Variants in ADAMTSL3 observed in about 807,000 individuals in gnomAD.
The protein encoded by ADAMTSL3 is ADAMTS like 3, also known as ADAMTS-like protein 3.
Under a neutral mutation model 201.7 loss-of-function variants are expected in ADAMTSL3, and 128 were observed. The ratio of observed to expected loss-of-function variants is 0.63; its 90% CI spans 0.55 to 0.73. The LOEUF (loss-of-function observed/expected upper bound fraction) is 0.73, where lower values mean the gene tolerates loss of function less well. Among genes scored for constraint, ADAMTSL3 ranks in the 30% least tolerant of loss-of-function variants. The probability of loss-of-function intolerance (pLI) is 0.00; values close to 1 mark genes in which losing one functional copy is unlikely to be tolerated. For missense variants in ADAMTSL3, 1,990 were observed against 2,119.6 expected, an observed-to-expected ratio of 0.94 and a Z score of 1.20; for synonymous variants, 738 against 748.4, an observed-to-expected ratio of 0.99 and a Z score of 0.23.
chr15:83,845,813 T>C (rs1011321772), intron 7 of ADAMTSL3, among the ~76,000 whole-genome samples: 1 of 152,206 alleles, frequency 6.6e-6, no homozygotes, highest in African/African-American at 2.4e-5. Flanking sequence ...AGGTTTCCTC[T>C]TATCTCCCAT....
intron 9 of ADAMTSL3, among the ~76,000 whole-genome samples, chr15:83,876,778 C>A (rs753228588): frequency 3.3e-5 from 5 of 152,060 alleles, no homozygotes; most frequent in Admixed American, 6.6e-5. Flanking sequence ...ACTACATGTG[C>A]ACACCACCAT....
At chr15:83,865,146 C>T (rs1355047031) in intron 8 of ADAMTSL3, among the ~76,000 whole-genome samples, 1 of 152,144 alleles carries the variant, frequency 6.6e-6, no homozygotes, top group Non-Finnish European at 1.5e-5. Flanking sequence ...ATTCCATGCT[C>T]GTGGGTAGGA....
chr15:83,927,761 T>C (rs1189306093), intron 17 of ADAMTSL3, among the ~76,000 whole-genome samples: 1 of 152,148 alleles, frequency 6.6e-6, no homozygotes, highest in Non-Finnish European at 1.5e-5. Flanking sequence ...TGTCATCTAG[T>C]CCAAATTCTG....
chr15:83,998,457 G>C (rs536855830), intron 23 of ADAMTSL3, among the ~76,000 whole-genome samples: 1 of 151,950 alleles, frequency 6.6e-6, no homozygotes, highest in African/African-American at 2.4e-5. Context: ...TCGAAAAAAG[G>C]AAAAAAAGAA....
At position 83,919,310 on chromosome 15, in the gene ADAMTSL3, G is replaced by C. The variant is rs539731528; in HGVS notation, c.1988-4594G>C. On this transcript the variant is annotated intron_variant, in intron 16 of 29. Transcript: ENST00000286744. ...AAGTCTTGAGGAAATTCAACATTCAGTGTCTGGGTGGAGGACACTAAGCCG... is the reference window on the plus strand; with the variant it reads ...AAGTCTTGAGGAAATTCAACATTCACTGTCTGGGTGGAGGACACTAAGCCG... 2.0e-5 allele frequency among the ~76,000 whole-genome samples: 3 copies of C among 152,258 alleles called. No individual in the cohort carries two copies. In the South Asian group the frequency reaches 6.2e-4, roughly 32 times the overall value.
intron 3 of ADAMTSL3, among the ~76,000 whole-genome samples, chr15:83,754,625 G>A (rs1400882076): frequency 6.6e-6 from 1 of 152,134 alleles, no homozygotes; most frequent in Non-Finnish European, 1.5e-5. Context: ...AGCATTCTAA[G>A]CATTTTCATA....
intron 15 of ADAMTSL3, among the ~76,000 whole-genome samples, chr15:83,911,769 C>A (rs1046672327): frequency 1.3e-5 from 2 of 152,174 alleles, no homozygotes; most frequent in Non-Finnish European, 2.9e-5. Context: ...GGTTGGATGA[C>A]TCTGTGAGAA....
intron 21 of ADAMTSL3, among the ~76,000 whole-genome samples, chr15:83,985,378 T>TA (rs2067455675): frequency 6.6e-6 from 1 of 152,054 alleles, no homozygotes; most frequent in Non-Finnish European, 1.5e-5. Flanking sequence ...CCAGCTCATT[T>TA]AAAAAATATA....
intron 7 of ADAMTSL3, among the ~76,000 whole-genome samples, chr15:83,841,661 G>A (rs560629054): frequency 2.0e-5 from 3 of 149,726 alleles, no homozygotes; most frequent in East Asian, 2.0e-4. Flanking sequence ...GATACGGGAG[G>A]GGGGGCAGGA....
chr15:83,854,041 T>C (rs925296038), intron 7 of ADAMTSL3, among the ~76,000 whole-genome samples: 1 of 152,140 alleles, frequency 6.6e-6, no homozygotes, highest in African/African-American at 2.4e-5. Flanking sequence ...TACTTTAGCA[T>C]GACTCTTCTA....
chr15:83,836,751 G>A (rs1472539802), intron 6 of ADAMTSL3, among the ~76,000 whole-genome samples: 1 of 152,074 alleles, frequency 6.6e-6, no homozygotes, highest in Non-Finnish European at 1.5e-5. Context: ...GTATATATTG[G>A]TATTATTATC....
chr15:83,769,031 C>T (rs2062935510), intron 3 of ADAMTSL3, among the ~76,000 whole-genome samples: 1 of 152,074 alleles, frequency 6.6e-6, no homozygotes, highest in Non-Finnish European at 1.5e-5. Context: ...CTTACCTATC[C>T]AATCAGAGAA....
chr15:83,984,372 T>C (rs962471275), intron 21 of ADAMTSL3, among the ~76,000 whole-genome samples: 1 of 152,212 alleles, frequency 6.6e-6, no homozygotes, highest in Non-Finnish European at 1.5e-5. Context: ...TTAGGTAAAA[T>C]TCAGTTTTTT....
At chr15:83,833,592 A>G (rs1238229444) in intron 6 of ADAMTSL3, among the ~76,000 whole-genome samples, 1 of 152,240 alleles carries the variant, frequency 6.6e-6, no homozygotes, top group African/African-American at 2.4e-5. Context: ...ACCTAATTCC[A>G]GAATCCAATT....
intron 4 of ADAMTSL3, among the ~76,000 whole-genome samples, chr15:83,776,294 C>T (rs1012998668): frequency 2.0e-5 from 3 of 152,208 alleles, no homozygotes; most frequent in African/African-American, 4.8e-5. Flanking sequence ...GGCTCCAGAA[C>T]CTTTTAATTC....
intron 28 of ADAMTSL3, among the ~76,000 whole-genome samples, chr15:84,032,238 G>A (rs1345114732): frequency 5.3e-5 from 8 of 152,214 alleles, no homozygotes; most frequent in African/African-American, 1.7e-4. Flanking sequence ...GGCAGCCTGG[G>A]TCATGGAAGA....
chr15:83,833,472 A>G (rs577247932), intron 6 of ADAMTSL3, among the ~76,000 whole-genome samples: 14 of 152,218 alleles, frequency 9.2e-5, no homozygotes, highest in African/African-American at 3.4e-4. Context: ...TTCACCTCCT[A>G]GTACCATCAA....
Position 83,825,280 on chromosome 15 carries a change from T to C in ADAMTSL3, c.600+5233T>C, listed in dbSNP as rs141266469. On this transcript the variant is annotated intron_variant, in intron 6 of 29. Transcript: ENST00000286744. Reference sequence around the variant, plus strand: ...TTGTTTTCCAAGTTCTTGACAATGATCATGCATTGTTTTTATAATTAAAAT... The same window carrying C: ...TTGTTTTCCAAGTTCTTGACAATGACCATGCATTGTTTTTATAATTAAAAT... Among the ~76,000 whole-genome samples the C allele has an allele frequency of 9.8e-5, 15 of 152,346 alleles. 1 individual carries two copies. The South Asian group carries it at 1.7e-3, about 17-fold the overall frequency.
intron 3 of ADAMTSL3, among the ~76,000 whole-genome samples, chr15:83,748,257 C>T (rs935789506): frequency 1.3e-5 from 2 of 152,096 alleles, no homozygotes; most frequent in African/African-American, 2.4e-5. Context: ...TGAAGTGGAT[C>T]GTCAGTTCAA....
Sources: allele counts gnomAD v4.1 joint callset (sites outside exome capture counted in the v4.1 genomes callset), GRCh38; gene constraint gnomAD v4.1.1; transcripts MANE v1.5; gene names NCBI Gene and HGNC (gene_info 2026-07-23, HGNC 2026-07-21).